Variants in KRT35 observed in about 807,000 individuals in gnomAD.
The protein encoded by KRT35 is keratin, type I cuticular Ha5.
A neutral mutation model predicts 42.2 loss-of-function variants in KRT35; 33 were observed. That is an observed-to-expected ratio of 0.78 (90% confidence interval 0.59 to 1.05). The LOEUF is 1.05. Among genes scored for constraint, KRT35 ranks in the 50% least tolerant of loss-of-function variants. The probability of loss-of-function intolerance (pLI) is 0.00; values close to 1 mark genes in which losing one functional copy is unlikely to be tolerated. For missense variants in KRT35, 585 were observed against 589.2 expected, an observed-to-expected ratio of 0.99 and a Z score of 0.07; for synonymous variants, 218 against 238.2, an observed-to-expected ratio of 0.92 and a Z score of 0.78.
intron 6 of KRT35, 23 bp from the exon 7 acceptor site, chr17:41,477,226 C>T (rs750259022): frequency 1.2e-6 from 2 of 1,613,088 alleles, no homozygotes; most frequent in South Asian, 2.2e-5. Context: ...AAACAAATTA[C>T]TGTGATTTTC....
chr17:41,480,686 G>A lies in KRT35; in HGVS notation c.412C>T (p.Pro138Ser). The stretch of plus-strand genomic sequence containing the variant: ...GACTGGTAGTCAGGGCACATGTAGG[G>A]GACCTGCTGCTCACACCACTCACGG... Reference protein sequence around the residue: ...RIREWCEQQVPYMCPDYQSYF... With the variant: ...RIREWCEQQVSYMCPDYQSYF... The change falls in exon 1 of 7, where the codon CCC becomes TCC. Residue 138 changes from proline to serine, a missense_variant. Physicochemically the swap from Pro to Ser is moderately conservative, Grantham distance 74. Transcript: ENST00000246639. 6.2e-7 allele frequency: 1 copy of A among 1,614,198 alleles called. No homozygotes were observed.
chr17:41,476,919 G>A lies in KRT35; in HGVS notation c.*137C>T, dbSNP rs921993609. ...CTGAGAAACTTTAGGGCATGTATTT[G>A]CAGAAAGCCTTTTCAGCCAGACCCT... is the stretch of plus-strand genomic sequence containing the variant. On this transcript the variant is annotated 3_prime_UTR_variant, in exon 7 of 7. Coordinates refer to ENST00000246639, the MANE Select transcript of KRT35 (RefSeq NM_002280.6). 7 of 850,952 alleles carry A rather than the reference G, an allele frequency of 8.2e-6. No individual in the cohort carries two copies. The South Asian group carries it at 1.2e-4, about 15-fold the overall frequency. The allele number at this position is 850,952 out of a possible 1,614,324, so 52.7% of individuals were successfully genotyped here.
chr17:41,479,800 T>C lies in KRT35; in HGVS notation c.472-19A>G. On this transcript the variant is annotated intron_variant, in intron 1 of 6. Transcript: ENST00000246639. ...ATAGAGTCTGGAGATATGAAGAAGT[T>C]ATTTCATTGCAAGAAAGGACATTCC... The C allele has an allele frequency of 6.3e-7, 1 of 1,594,496 alleles. No homozygotes were observed. Among genetic ancestry groups the C allele is most frequent in the Admixed American group, 1.7e-5 (1 of 59,892 alleles).
At chr17:41,477,249 G>A in intron 6 of KRT35, 46 bp from the exon 7 acceptor site, 1 of 1,601,094 alleles carries the variant, frequency 6.2e-7, no homozygotes, top group Non-Finnish European at 8.5e-7. Flanking sequence ...GTTGCTGTTT[G>A]CAGTAACTCA....
In KRT35 at chr17:41,478,388, C is replaced by G. The variant is rs2019209442; in HGVS notation, c.972G>C (p.Glu324Asp). The G allele has an allele frequency of 1.2e-6, 2 of 1,613,888 alleles. No homozygotes were observed. The highest frequency in any genetic ancestry group is 1.7e-6 in the Non-Finnish European group (2 of 1,179,950). ...TGCTGTGCTGAGCCTGCAGCTCAAT[C>G]TCCAGGGCGTTGACCGTGCGTCTCA... ...IELRRTVNAL[E>D]IELQAQHSMR... Residue 324 changes from glutamate to aspartate, a missense_variant, in exon 5 of 7, where the codon GAG becomes GAC. Coordinates refer to ENST00000246639, the MANE Select transcript of KRT35 (RefSeq NM_002280.6).
rs1001644174 is a variant in KRT35, at chr17:41,479,236, G to T, written c.711+111C>A. On this transcript the variant is annotated intron_variant, in intron 3 of 6. Transcript: ENST00000246639. Reference sequence around the variant, plus strand: ...TCCCTATGCACACCTGCTCCCTCATGTTCACCTCCCCCTATGCTCACCTCA... The same window carrying T: ...TCCCTATGCACACCTGCTCCCTCATTTTCACCTCCCCCTATGCTCACCTCA... 6 of 1,249,952 alleles carry T rather than the reference G, an allele frequency of 4.8e-6. No homozygotes were observed. The Admixed American group carries it at 1.1e-4, about 22-fold the overall frequency. 77.4% of individuals were successfully genotyped at this position (1,249,952 alleles called of 1,614,324 possible).
intron 2 of KRT35, 48 bp from the exon 3 acceptor site, chr17:41,479,551 C>A: frequency 2.5e-6 from 4 of 1,598,528 alleles, no homozygotes; most frequent in Non-Finnish European, 3.4e-6. Context: ...CTTTTTGCAT[C>A]TAAGTCAGGC....
At position 41,481,057 on chromosome 17, in the gene KRT35, G is replaced by C. The variant is rs1384328826; in HGVS notation, c.41C>G (p.Ser14Cys). Residue 14 changes from serine to cysteine, a missense_variant, in exon 1 of 7, where the codon TCT becomes TGT. Coordinates refer to ENST00000246639, the MANE Select transcript of KRT35 (RefSeq NM_002280.6). Reference protein sequence around the residue: ...KCLKAGFSSGSLKSPGGASGG... With the variant: ...KCLKAGFSSGCLKSPGGASGG... Reference sequence around the variant, plus strand: ...ACTGGCCCCTCCTGGGCTCTTGAGAGACCCAGAAGAGAAGCCGGCCTTGAG... The same window carrying C: ...ACTGGCCCCTCCTGGGCTCTTGAGACACCCAGAAGAGAAGCCGGCCTTGAG... The C allele has an allele frequency of 6.2e-7, 1 of 1,612,572 alleles. No individual in the cohort carries two copies. The highest frequency in any genetic ancestry group is 1.1e-5 in the South Asian group (1 of 90,922).
At chr17:41,478,551 G>A in intron 4 of KRT35, 65 bp from the exon 5 acceptor site, 2 of 1,564,526 alleles carry the variant, frequency 1.3e-6, no homozygotes, top group South Asian at 2.3e-5. Context: ...GAGCTACAGA[G>A]GCCGGTTAGA....
intron 3 of KRT35, 144 bp from the exon 4 acceptor site, chr17:41,479,139 C>T: frequency 1.0e-6 from 1 of 986,986 alleles, no homozygotes; most frequent in Non-Finnish European, 1.5e-6. Flanking sequence ...TGCCCACCTC[C>T]TCCCCATGCT....
Position 41,476,997 on chromosome 17 carries a change from G to T in KRT35, c.*59C>A. 1 of 1,480,534 alleles carries T rather than the reference G, an allele frequency of 6.8e-7. No individual in the cohort carries two copies. Among genetic ancestry groups the T allele is most frequent in the Non-Finnish European group, 9.0e-7 (1 of 1,106,068 alleles). 91.7% of individuals were successfully genotyped at this position (1,480,534 alleles called of 1,614,324 possible). A position where few individuals can be genotyped will look rare whatever the true frequency, so the allele number is the denominator to read the frequency against. On this transcript the variant is annotated 3_prime_UTR_variant, in exon 7 of 7. Transcript: ENST00000246639. ...GATTGGGCTACAAGGGTTAAGTTTG[G>T]GTAGAGGCCAAGTTCAAGCCCTGGA...
intron 5 of KRT35, among the ~76,000 whole-genome samples, chr17:41,478,027 C>T (rs1471611660): frequency 1.3e-5 from 2 of 152,226 alleles, no homozygotes; most frequent in African/African-American, 4.8e-5. Context: ...TTGAGATGAG[C>T]TAATTAGCCC....
chr17:41,478,567 G>A, intron 4 of KRT35, 81 bp from the exon 5 acceptor site: 1 of 1,514,856 alleles, frequency 6.6e-7, no homozygotes, highest in South Asian at 1.2e-5. Flanking sequence ...TTAGAATCAT[G>A]AGCCAAGAAA....
chr17:41,478,545 T>C, intron 4 of KRT35, 59 bp from the exon 5 acceptor site: 1 of 1,579,254 alleles, frequency 6.3e-7, no homozygotes, highest in Non-Finnish European at 8.6e-7. Flanking sequence ...TTCAGAGAGC[T>C]ACAGAGGCCG....
chr17:41,481,102 C>T lies in KRT35; in HGVS notation c.-5G>A. Reference sequence around the variant, plus strand: ...CTTGAGGCATTTGGAAGCCATGGCCCCTGCAACTCAGATGCAATTGATAGG... The same window carrying T: ...CTTGAGGCATTTGGAAGCCATGGCCTCTGCAACTCAGATGCAATTGATAGG... On this transcript the variant is annotated 5_prime_UTR_variant, in exon 1 of 7. Transcript: ENST00000246639. The T allele has an allele frequency of 6.3e-7, 1 of 1,591,530 alleles. No homozygotes were observed. Among genetic ancestry groups the T allele is most frequent in the Non-Finnish European group, 8.5e-7 (1 of 1,169,916 alleles).
rs772308134 is a variant in KRT35, at chr17:41,480,881, G to A, written c.217C>T (p.Pro73Ser). The change falls in exon 1 of 7, where the codon CCT becomes TCT. Residue 73 changes from proline to serine, a missense_variant. By Grantham distance (74) the Pro-to-Ser change is moderately conservative. Transcript: ENST00000246639. ...TAGCTGGTAGCGAAGCCTCCAGCAG[G>A]GAGGCAGAGAGCAGGGAGGCAGCTG... Reference protein sequence around the residue: ...ATSCLPALCLPAGGFATSYSG... With the variant: ...ATSCLPALCLSAGGFATSYSG... 2 of 1,614,168 alleles carry A rather than the reference G, an allele frequency of 1.2e-6. No homozygotes were observed. The highest frequency in any genetic ancestry group is 1.7e-6 in the Non-Finnish European group (2 of 1,180,014).
intron 6 of KRT35, 69 bp downstream of exon 6, chr17:41,477,449 C>A: frequency 1.3e-6 from 2 of 1,585,084 alleles, no homozygotes; most frequent in Non-Finnish European, 1.7e-6. Context: ...TCTTTCTAGG[C>A]ACCATGCTGT....
In KRT35 at chr17:41,480,648, G is replaced by C; in HGVS notation, c.450C>G (p.Thr150=). Residue 150 remains threonine, a synonymous_variant, in exon 1 of 7, where the codon ACC becomes ACG. Coordinates refer to ENST00000246639, the MANE Select transcript of KRT35 (RefSeq NM_002280.6). ...TTACCTTCTTCTGGAGCTCCTCGAT[G>C]GTCCGGAAGTAGGACTGGTAGTCAG... ...MCPDYQSYFR[T]IEELQKKTLC... 1 of 1,613,606 alleles carries C rather than the reference G, an allele frequency of 6.2e-7. No individual in the cohort carries two copies. Among genetic ancestry groups the C allele is most frequent in the Non-Finnish European group, 8.5e-7 (1 of 1,179,534 alleles).
chr17:41,480,687 G>A lies in KRT35; in HGVS notation c.411C>T (p.Val137=), dbSNP rs775657586. The change falls in exon 1 of 7, where the codon GTC becomes GTT. Residue 137 remains valine (V), a synonymous_variant. Transcript: ENST00000246639. ...ACTGGTAGTCAGGGCACATGTAGGG[G>A]ACCTGCTGCTCACACCACTCACGGA... The part of the protein sequence containing the change: ...SRIREWCEQQ[V]PYMCPDYQSY... 1.2e-6 allele frequency: 2 copies of A among 1,614,068 alleles called. No individual in the cohort carries two copies. Among genetic ancestry groups the A allele is most frequent in the Admixed American group, 3.3e-5 (2 of 60,008 alleles).
Sources: allele counts gnomAD v4.1 joint callset (sites outside exome capture counted in the v4.1 genomes callset), GRCh38; gene constraint gnomAD v4.1.1; transcripts MANE v1.5; gene names NCBI Gene and HGNC (gene_info 2026-07-23, HGNC 2026-07-21).